Variants in FMN1 observed in about 807,000 individuals in gnomAD.
FMN1 encodes the protein formin 1.
FMN1 carries 110 observed loss-of-function variants against 132.4 expected under a neutral mutation model. That is an observed-to-expected ratio of 0.83 (90% CI 0.71 to 0.97). FMN1 has a LOEUF of 0.97. Ranked by LOEUF, FMN1 falls within the 50% of genes least tolerant of loss-of-function variation. The pLI is 0.00. For synonymous variants in FMN1, 722 were observed against 651.7 expected, an observed-to-expected ratio of 1.11 and a Z score of -1.64; for missense variants, 1,792 against 1,705.3, an observed-to-expected ratio of 1.05 and a Z score of -0.90.
chr15:33,013,126 C>G, intron 6 of FMN1: 1 of 404,502 alleles, frequency 2.5e-6, no homozygotes, highest in South Asian at 1.9e-5. Flanking sequence ...GACAGGGAAG[C>G]TATAGGTTGC....
At chr15:33,121,167 CA>C (rs772639322) in intron 4 of FMN1, among the ~76,000 whole-genome samples, 153 of 151,940 alleles carry the variant, frequency 1.0e-3, no homozygotes, top group Admixed American at 1.9e-3. Context: ...GGACTTAGAT[CA>C]ACAACAACAA....
intron 19 of FMN1, among the ~76,000 whole-genome samples, chr15:32,790,414 C>T (rs1205547121): frequency 6.6e-6 from 1 of 152,184 alleles, no homozygotes; most frequent in East Asian, 1.9e-4. Flanking sequence ...TACATGTAAA[C>T]AAGAGGATGG....
At chr15:33,062,420 G>C (rs2037528645) in intron 6 of FMN1, among the ~76,000 whole-genome samples, 1 of 152,200 alleles carries the variant, frequency 6.6e-6, no homozygotes, top group East Asian at 1.9e-4. Context: ...AAGAGATCGA[G>C]ACCATCCTGG....
intron 19 of FMN1, among the ~76,000 whole-genome samples, chr15:32,784,532 A>ATAT (rs1384620818): frequency 6.6e-6 from 1 of 152,128 alleles, no homozygotes; most frequent in Non-Finnish European, 1.5e-5. Context: ...GAGGTAGACA[A>ATAT]CTGATTTAAG....
At position 33,088,897 on chromosome 15, in the gene FMN1, C is replaced by T. The variant is rs188149274; in HGVS notation, c.1945G>A (p.Ala649Thr). The T allele has an allele frequency of 2.8e-4, 425 of 1,535,918 alleles. 1 individual carries two copies. In the African/African-American group the frequency reaches 4.4e-3, roughly 16 times the overall value. ...PKDLPNRDGG[A>T]WVLGYRAGPA... ...CCCGCTCTGTAGCCCAGAACCCACGCGCCTCCATCTCTGTTGGGAAGGTCT... is the reference window on the plus strand; with the variant it reads ...CCCGCTCTGTAGCCCAGAACCCACGTGCCTCCATCTCTGTTGGGAAGGTCT... The change falls in exon 5 of 21, where the codon GCG (alanine) becomes ACG (threonine). Residue 649 changes from alanine to threonine, a missense_variant. By Grantham distance (58) the Ala-to-Thr change is moderately conservative (BLOSUM62 0). Coordinates refer to ENST00000616417, the MANE Select transcript of FMN1 (RefSeq NM_001277313.2).
At chr15:32,852,457 G>A (rs2059030215) in intron 17 of FMN1, among the ~76,000 whole-genome samples, 1 of 152,080 alleles carries the variant, frequency 6.6e-6, no homozygotes, top group Non-Finnish European at 1.5e-5. Flanking sequence ...ATAGTTCACT[G>A]TAGCCTTGAA....
At chr15:33,059,769 T>C (rs545589427) in intron 6 of FMN1, among the ~76,000 whole-genome samples, 1 of 152,352 alleles carries the variant, frequency 6.6e-6, no homozygotes, top group African/African-American at 2.4e-5. Flanking sequence ...CCTAAGATGT[T>C]TGCAGCTCTC....
At chr15:33,015,939 G>C (rs538885060) in intron 6 of FMN1, among the ~76,000 whole-genome samples, 1 of 151,762 alleles carries the variant, frequency 6.6e-6, no homozygotes, top group South Asian at 2.1e-4. Flanking sequence ...CCTGGACCAG[G>C]AGCATCAGCA....
At chr15:32,933,414 A>G (rs1312116456) in intron 9 of FMN1, among the ~76,000 whole-genome samples, 1 of 152,194 alleles carries the variant, frequency 6.6e-6, no homozygotes, top group Non-Finnish European at 1.5e-5. Context: ...ATCCTGGAGA[A>G]TGTGCACTTG....
chr15:33,129,624 A>C (rs926114139), intron 4 of FMN1, among the ~76,000 whole-genome samples: 1 of 152,014 alleles, frequency 6.6e-6, no homozygotes, highest in African/African-American at 2.4e-5. Flanking sequence ...CCCCAATCCT[A>C]CAGATGAGGA....
Position 32,765,544 on chromosome 15 carries a change from T to C in FMN1, c.*8766A>G, listed in dbSNP as rs1389637410. The C allele has an allele frequency of 1.3e-5, 2 of 152,230 alleles. No individual in the cohort carries two copies. The highest frequency in any genetic ancestry group is 2.9e-5 in the Non-Finnish European group (2 of 68,044). The allele number at this position is 152,230 out of a possible 1,614,324, so 9.4% of individuals were successfully genotyped here. A position where few individuals can be genotyped will look rare whatever the true frequency, so the allele number is the denominator to read the frequency against. ...AAACAAATCTGCATTGCACACCAGA[T>C]GGACATGAAACCAAGATTTATTAAA... On this transcript the variant is annotated 3_prime_UTR_variant, in exon 21 of 21. Coordinates refer to ENST00000616417, the MANE Select transcript of FMN1 (RefSeq NM_001277313.2).
intron 16 of FMN1, among the ~76,000 whole-genome samples, chr15:32,874,096 A>T (rs1038611509): frequency 7.1e-6 from 1 of 141,786 alleles, no homozygotes; most frequent in Non-Finnish European, 1.5e-5. Flanking sequence ...ATCTCGGCTC[A>T]CTGTGACCTC....
chr15:32,803,555 C>G (rs2141001464), intron 18 of FMN1, among the ~76,000 whole-genome samples: 1 of 152,306 alleles, frequency 6.6e-6, no homozygotes, highest in South Asian at 2.1e-4. Context: ...TCCCCAACTT[C>G]TGGGGGAAAT....
intron 7 of FMN1, among the ~76,000 whole-genome samples, chr15:32,977,132 T>TA (rs1435825725): frequency 6.6e-6 from 1 of 152,190 alleles, no homozygotes; most frequent in African/African-American, 2.4e-5. Flanking sequence ...TTCCACCTCT[T>TA]ACAATGCATT....
intron 5 of FMN1, among the ~76,000 whole-genome samples, chr15:33,077,789 T>C (rs2038278046): frequency 1.6e-5 from 2 of 121,596 alleles, no homozygotes; most frequent in Non-Finnish European, 3.8e-5. Context: ...CTCAAACAAA[T>C]TTACAAAAAA....
intron 17 of FMN1, among the ~76,000 whole-genome samples, chr15:32,830,937 T>C (rs1038885590): frequency 6.6e-6 from 1 of 152,080 alleles, no homozygotes; most frequent in African/African-American, 2.4e-5. Flanking sequence ...AAAAGTCTAG[T>C]GGTTTGTATC....
chr15:33,088,316 A>G (rs2038779454), intron 5 of FMN1, among the ~76,000 whole-genome samples: 2 of 152,208 alleles, frequency 1.3e-5, no homozygotes, highest in Admixed American at 1.3e-4. Context: ...GCATTATCCT[A>G]TATTCTGCAG....
At chr15:33,070,694 G>GT (rs2037965205) in intron 5 of FMN1, among the ~76,000 whole-genome samples, 1 of 152,086 alleles carries the variant, frequency 6.6e-6, no homozygotes, top group Non-Finnish European at 1.5e-5. Context: ...ATTTTTAAAG[G>GT]TAAGCAACCA....
chr15:32,890,441 GA>G (rs1159039380), intron 15 of FMN1, among the ~76,000 whole-genome samples: 1 of 152,146 alleles, frequency 6.6e-6, no homozygotes, highest in Non-Finnish European at 1.5e-5. Flanking sequence ...TCTGTTTTCT[GA>G]TTTTTTGATT....
Sources: gnomAD v4.1 joint callset for allele counts (sites outside exome capture counted in the v4.1 genomes callset) on GRCh38, gnomAD v4.1.1 for gene constraint, MANE v1.5 for transcripts, NCBI Gene and HGNC (gene_info 2026-07-23, HGNC 2026-07-21) for gene names.